SGCZ: variants seen among roughly 807,000 people sequenced by gnomAD.
The protein encoded by SGCZ is sarcoglycan zeta.
In SGCZ, 40 loss-of-function variants were observed where a neutral mutation model predicts 41.3. The ratio of observed to expected loss-of-function variants is 0.97; its 90% CI spans 0.75 to 1.26. SGCZ has a LOEUF of 1.26. SGCZ is among the 50% of genes most tolerant of loss of function. SGCZ has a pLI of 0.00. For missense variants in SGCZ, 552 were observed against 369.8 expected (o/e 1.49, Z -4.04); for synonymous variants, 206 against 137.5 (o/e 1.50, Z -3.49).
chr8:15,045,875 C>G (rs1306375390), intron 1 of SGCZ, among the ~76,000 whole-genome samples: 1 of 152,016 alleles, frequency 6.6e-6, no homozygotes, highest in Non-Finnish European at 1.5e-5. Context: ...AGAAAAGGAC[C>G]AAGAATACTC....
chr8:15,172,154 GTTTTTTTTTT>G (rs1183210302), intron 1 of SGCZ, among the ~76,000 whole-genome samples: 18 of 71,774 alleles, frequency 2.5e-4, no homozygotes, highest in African/African-American at 8.2e-4. Context: ...TTTATACTCT[GTTTTTTTTTT>G]TTTTTTTTTT....
chr8:14,980,011 A>G (rs1042292663), intron 1 of SGCZ, among the ~76,000 whole-genome samples: 2 of 152,186 alleles, frequency 1.3e-5, no homozygotes, highest in Non-Finnish European at 2.9e-5. Flanking sequence ...TTCATGACAA[A>G]CTTAGGAAAT....
At chr8:14,459,850 C>A (rs1800851796) in intron 2 of SGCZ, among the ~76,000 whole-genome samples, 1 of 151,844 alleles carries the variant, frequency 6.6e-6, no homozygotes, top group Non-Finnish European at 1.5e-5. Flanking sequence ...ATCAGAGAAC[C>A]CCAAATTGAG....
chr8:14,418,828 T>G (rs11782022), intron 2 of SGCZ, among the ~76,000 whole-genome samples: 1 of 151,714 alleles, frequency 6.6e-6, no homozygotes, highest in East Asian at 1.9e-4. Context: ...CCAAAATGTA[T>G]TAAAAATAGA....
At chr8:14,511,673 A>C (rs1802472269) in intron 2 of SGCZ, among the ~76,000 whole-genome samples, 2 of 152,180 alleles carry the variant, frequency 1.3e-5, no homozygotes, top group African/African-American at 4.8e-5. Flanking sequence ...AAAAACTCAG[A>C]TGAAATGTGA....
intron 2 of SGCZ, among the ~76,000 whole-genome samples, chr8:14,528,135 T>C (rs1803010482): frequency 6.6e-6 from 1 of 152,058 alleles, no homozygotes; most frequent in Admixed American, 6.6e-5. Flanking sequence ...GTCCTCTATG[T>C]TGTATGTTTT....
At chr8:14,577,384 CTT>C (rs57432939) in intron 1 of SGCZ, among the ~76,000 whole-genome samples, 24 of 111,866 alleles carry the variant, frequency 2.1e-4, no homozygotes, top group African/African-American at 5.4e-4. Flanking sequence ...AGAAATATAT[CTT>C]TTTTTTTTTT....
At chr8:14,938,836 A>G (rs1352925053) in intron 1 of SGCZ, among the ~76,000 whole-genome samples, 6 of 151,896 alleles carry the variant, frequency 4.0e-5, no homozygotes, top group South Asian at 2.1e-4. Flanking sequence ...ACATCTTTAC[A>G]AGTTCATTAC....
At chr8:14,621,880 C>T (rs1266341901) in intron 1 of SGCZ, among the ~76,000 whole-genome samples, 1 of 152,044 alleles carries the variant, frequency 6.6e-6, no homozygotes, top group Non-Finnish European at 1.5e-5. Context: ...TAAGTGGAGT[C>T]TCTCCTCTGT....
chr8:14,978,408 T>G (rs1056436230), intron 1 of SGCZ, among the ~76,000 whole-genome samples: 1 of 137,806 alleles, frequency 7.3e-6, no homozygotes, highest in Non-Finnish European at 1.5e-5. Flanking sequence ...GAGGTGGAGG[T>G]TGTAGTGAGC....
At chr8:15,033,420 T>A (rs1216362583) in intron 1 of SGCZ, among the ~76,000 whole-genome samples, 1 of 151,606 alleles carries the variant, frequency 6.6e-6, no homozygotes, top group Non-Finnish European at 1.5e-5. Context: ...CCAGGCTCCA[T>A]GCCTATTCCA....
chr8:14,633,253 T>C (rs557798547), intron 1 of SGCZ, among the ~76,000 whole-genome samples: 1 of 152,092 alleles, frequency 6.6e-6, no homozygotes, highest in South Asian at 2.1e-4. Flanking sequence ...GACAGCACAG[T>C]TTATTGGGTA....
At chr8:14,628,196 T>C (rs1806526003) in intron 1 of SGCZ, among the ~76,000 whole-genome samples, 1 of 152,132 alleles carries the variant, frequency 6.6e-6, no homozygotes, top group Admixed American at 6.6e-5. Flanking sequence ...TTGCTGTTTG[T>C]ACCAAATTCC....
chr8:14,488,000 A>G (rs971704067), intron 2 of SGCZ: 3 of 66,328 alleles, frequency 4.5e-5, no homozygotes, highest in African/African-American at 1.8e-4. Flanking sequence ...TTAATCAGGA[A>G]CCCCACTTTT....
chr8:14,421,610 G>A (rs138481648), intron 2 of SGCZ, among the ~76,000 whole-genome samples: 433 of 152,152 alleles, frequency 2.8e-3, no homozygotes, highest in African/African-American at 8.3e-3. Flanking sequence ...TATGAAGTTT[G>A]CTCATATAGA....
intron 2 of SGCZ, among the ~76,000 whole-genome samples, chr8:14,328,297 T>C (rs973640840): frequency 6.6e-5 from 10 of 152,194 alleles, no homozygotes; most frequent in African/African-American, 2.4e-4. Flanking sequence ...CTTCATTATC[T>C]GAAAGGGAGA....
At chr8:14,456,547 T>G (rs78456922) in intron 2 of SGCZ, among the ~76,000 whole-genome samples, 3,661 of 152,222 alleles carry the variant, frequency 0.024, 49 homozygotes, top group South Asian at 0.065. Flanking sequence ...TGATCATTTG[T>G]ACCAAAGAAA....
chr8:14,518,685 G>A (rs1358362750), intron 2 of SGCZ, among the ~76,000 whole-genome samples: 2 of 151,872 alleles, frequency 1.3e-5, no homozygotes, highest in African/African-American at 2.4e-5. Context: ...AAAATAGAAC[G>A]TTATTAAGTA....
At chr8:14,899,604 G>C (rs1043145960) in intron 1 of SGCZ, among the ~76,000 whole-genome samples, 1 of 152,126 alleles carries the variant, frequency 6.6e-6, no homozygotes, top group African/African-American at 2.4e-5. Flanking sequence ...CATGCTTGGA[G>C]GCTCCAGGTT....
Sources: allele counts gnomAD v4.1 joint callset (sites outside exome capture counted in the v4.1 genomes callset), GRCh38; gene constraint gnomAD v4.1.1; transcripts MANE v1.5; gene names NCBI Gene and HGNC (gene_info 2026-07-23, HGNC 2026-07-21).